ARHGEF3: variants seen among roughly 807,000 people sequenced by gnomAD.
The protein encoded by ARHGEF3 is 59.8 kDA protein.
Under a neutral mutation model 63.2 loss-of-function variants are expected in ARHGEF3, and 28 were observed. The ratio of observed to expected loss-of-function variants is 0.44; its 90% CI spans 0.33 to 0.61. The LOEUF (loss-of-function observed/expected upper bound fraction) is 0.61. ARHGEF3 is among the 20% of genes least tolerant of loss of function. The pLI is 0.03. For synonymous variants in ARHGEF3, 266 were observed against 254.2 expected (o/e 1.05, Z -0.44); for missense variants, 533 against 659.3 (o/e 0.81, Z 2.10).
At chr3:56,801,974 A>C, upstream of ARHGEF3, 1 of 1,315,508 alleles carries the variant, frequency 7.6e-7, no homozygotes. Context: ...AGTGGGCGGG[A>C]CCGTGCCAGC....
intron 3 of ARHGEF3, among the ~76,000 whole-genome samples, chr3:56,893,811 C>CAAAAAAAAAAAAAAA (rs537483698): frequency 2.5e-5 from 2 of 79,542 alleles, no homozygotes; most frequent in African/African-American, 3.8e-5. Flanking sequence ...GACTCTGTCT[C>CAAAAAAAAAAAAAAA]AAAAAAAAAA....
intron 4 of ARHGEF3, among the ~76,000 whole-genome samples, chr3:56,853,068 GATCCAAAAATGGAAATCT>G: frequency 6.6e-6 from 1 of 152,286 alleles, no homozygotes; most frequent in South Asian, 2.1e-4. Flanking sequence ...CTTTGAATTT[GATCCAAAAATGGAAATCT>G]ATACATATGA....
At chr3:56,854,509 TG>T (rs2039800362) in intron 4 of ARHGEF3, among the ~76,000 whole-genome samples, 2 of 151,812 alleles carry the variant, frequency 1.3e-5, no homozygotes, top group Non-Finnish European at 2.9e-5. Flanking sequence ...TCGGGTTCAG[TG>T]TGGGGAATGG....
chr3:57,053,016 G>A (rs1165314528), intron 1 of ARHGEF3, among the ~76,000 whole-genome samples: 3 of 152,160 alleles, frequency 2.0e-5, no homozygotes, highest in African/African-American at 7.2e-5. Context: ...AAGCAGATTT[G>A]CCCTCCTCAC....
chr3:56,812,625 T>C (rs113814499), intron 4 of ARHGEF3, among the ~76,000 whole-genome samples: 4,663 of 152,350 alleles, frequency 0.031, 83 homozygotes, highest in Non-Finnish European at 0.041. Flanking sequence ...CCTAATGCCA[T>C]TTGTATCAAA....
chr3:56,791,752 A>C (rs533274510), intron 1 of ARHGEF3, among the ~76,000 whole-genome samples: 1 of 152,264 alleles, frequency 6.6e-6, no homozygotes, highest in Admixed American at 6.5e-5. Context: ...AATTTCTCTG[A>C]ATCTCTTTTT....
chr3:56,916,182 T>TG, intron 3 of ARHGEF3: 1 of 1,279,558 alleles, frequency 7.8e-7, no homozygotes. Context: ...AGCAGCTCCC[T>TG]GATCAGTTTC....
chr3:56,844,142 C>T (rs760317177), intron 4 of ARHGEF3, among the ~76,000 whole-genome samples: 7 of 152,148 alleles, frequency 4.6e-5, no homozygotes, highest in Non-Finnish European at 8.8e-5. Context: ...AAGTTCTGCT[C>T]GACAGTGCAG....
At chr3:57,068,636 A>G (rs1423352818) in intron 1 of ARHGEF3, among the ~76,000 whole-genome samples, 3 of 152,194 alleles carry the variant, frequency 2.0e-5, no homozygotes, top group Non-Finnish European at 4.4e-5. Flanking sequence ...TGCTGGAGAG[A>G]AACAGTCCTC....
intron 1 of ARHGEF3, among the ~76,000 whole-genome samples, chr3:57,057,124 T>C (rs2107327680): frequency 6.6e-6 from 1 of 152,262 alleles, no homozygotes; most frequent in African/African-American, 2.4e-5. Context: ...ATTATTATTA[T>C]TTTTTGAGAT....
intron 3 of ARHGEF3, among the ~76,000 whole-genome samples, chr3:56,911,481 T>C (rs1269339374): frequency 6.6e-6 from 1 of 152,024 alleles, no homozygotes; most frequent in Non-Finnish European, 1.5e-5. Context: ...ACTTTGTCTA[T>C]ATTTAGGTCC....
intron 3 of ARHGEF3, among the ~76,000 whole-genome samples, chr3:56,934,897 C>T (rs541353563): frequency 1.2e-3 from 186 of 152,378 alleles, no homozygotes; most frequent in African/African-American, 4.3e-3. Context: ...AGCCCCGCTG[C>T]GGGATCCACT....
chr3:56,917,510 G>A lies in ARHGEF3; in HGVS notation c.130-35156C>T, dbSNP rs537156549. The stretch of plus-strand genomic sequence containing the variant: ...AGGTTCATTTGAACAACAAGCTTCC[G>A]GTCTAACAGAAGGAGATTAAATCCA... On this transcript the variant is annotated intron_variant, in intron 3 of 12. Transcript: ENST00000338458. Among the ~76,000 whole-genome samples, 9 of 152,206 alleles carry A rather than the reference G, an allele frequency of 5.9e-5. No homozygotes were observed. The East Asian group carries it at 7.7e-4, about 13-fold the overall frequency.
chr3:56,961,925 G>C (rs568620658), intron 2 of ARHGEF3, among the ~76,000 whole-genome samples: 1 of 152,270 alleles, frequency 6.6e-6, no homozygotes, highest in African/African-American at 2.4e-5. Context: ...CCTGCCTGTA[G>C]TCCCAACCAC....
chr3:56,937,982 G>A (rs1276368020), intron 3 of ARHGEF3, among the ~76,000 whole-genome samples: 3 of 152,154 alleles, frequency 2.0e-5, no homozygotes, highest in Non-Finnish European at 4.4e-5. Context: ...ATGTTAGGTC[G>A]AATCAGCCCT....
chr3:56,866,401 C>T (rs558662259), intron 4 of ARHGEF3, among the ~76,000 whole-genome samples: 11 of 152,220 alleles, frequency 7.2e-5, no homozygotes, highest in East Asian at 3.9e-4. Flanking sequence ...TTAGTATGAC[C>T]GGTGCCCTGC....
chr3:57,060,479 G>A (rs1383131453), intron 1 of ARHGEF3: 3 of 151,966 alleles, frequency 2.0e-5, no homozygotes, highest in Middle Eastern at 3.4e-3. Flanking sequence ...CCCACAGTAG[G>A]AGTCAGAATC....
At chr3:56,917,566 T>C (rs999006523) in intron 3 of ARHGEF3, among the ~76,000 whole-genome samples, 4 of 152,164 alleles carry the variant, frequency 2.6e-5, no homozygotes, top group African/African-American at 7.2e-5. Context: ...GCTCTTTCCA[T>C]TCACGTTGCC....
chr3:56,872,046 A>C (rs950947953), intron 4 of ARHGEF3, among the ~76,000 whole-genome samples: 2 of 124,026 alleles, frequency 1.6e-5, no homozygotes, highest in African/African-American at 5.1e-5. Flanking sequence ...ACTTGTTGCC[A>C]GATGTTACTT....
Sources: allele counts gnomAD v4.1 joint callset (sites outside exome capture counted in the v4.1 genomes callset), GRCh38; gene constraint gnomAD v4.1.1; transcripts MANE v1.5; gene names NCBI Gene and HGNC (gene_info 2026-07-23, HGNC 2026-07-21).